The following GPC4 variants were observed in gnomAD, a reference collection of about 807,000 sequenced individuals.
The protein encoded by GPC4 is glypican 4.
A neutral mutation model predicts 35.0 loss-of-function variants in GPC4; 10 were observed. That is an observed-to-expected ratio of 0.29 (90% confidence interval 0.18 to 0.48). The LOEUF (loss-of-function observed/expected upper bound fraction) is 0.48. Among genes scored for constraint, GPC4 ranks in the 20% least tolerant of loss-of-function variants. The pLI, the probability that GPC4 is intolerant of heterozygous loss-of-function variation, is 0.99. For synonymous variants in GPC4, 167 were observed against 170.2 expected (o/e 0.98, Z 0.15); for missense variants, 322 against 451.3 (o/e 0.71, Z 2.60).
In GPC4 at chrX:133,304,738, T is replaced by C. The variant is rs1212592946; in HGVS notation, c.1279A>G (p.Lys427Glu). The change falls in exon 7 of 9, where the codon AAA (lysine) becomes GAA (glutamate). Residue 427 changes from lysine (K) to glutamate (E), a missense_variant. By Grantham distance (56) the Lys-to-Glu change is moderately conservative (BLOSUM62 1). This residue lies in a region of GPC4 where 99 missense variants were observed against 110.0 expected (regional missense o/e 0.90). Transcript: ENST00000370828. ...ACAGACACTAACCTGCTTTTGCCTT[T>C]CCCATTCCAACAGTCATCCTCATTG... ...NGNEDDCWNGKGKSRYLFAVT... is the reference protein window; with the variant it reads ...NGNEDDCWNGEGKSRYLFAVT... 1 of 1,211,727 alleles carries C rather than the reference T, an allele frequency of 8.3e-7. No individual in the cohort carries two copies. The highest frequency in any genetic ancestry group is 1.8e-5 in the South Asian group (1 of 56,956).
chrX:133,343,936 T>C (rs1376413760), intron 1 of GPC4, among the ~76,000 whole-genome samples: 1 of 110,129 alleles, frequency 9.1e-6, no homozygotes, highest in African/African-American at 3.3e-5. Context: ...TATTCCATCA[T>C]TTAACAGCGC....
intron 1 of GPC4, among the ~76,000 whole-genome samples, chrX:133,388,235 C>A (rs1207891684): frequency 1.8e-5 from 2 of 112,068 alleles, no homozygotes; most frequent in African/African-American, 6.5e-5. Context: ...CCGGTCTTAA[C>A]CTTCTGTGTT....
chrX:133,414,738 A>G lies in GPC4; in HGVS notation c.160+68T>C, dbSNP rs878872029. 45 of 1,139,872 alleles carry G rather than the reference A, an allele frequency of 3.9e-5. No homozygotes were observed. The Middle Eastern group carries it at 2.4e-3, about 60-fold the overall frequency. The allele number at this position is 1,139,872 out of a possible 1,213,427, so 93.9% of individuals were successfully genotyped here. On this transcript the variant is annotated intron_variant, in intron 1 of 8. Transcript: ENST00000370828. ...GGCGCAGGGGGCGGCGGGGCGGGGG[A>G]AGGGAGTTGCAGCCTCCCTTCCCGA...
At chrX:133,330,067 A>T (rs2068412184) in intron 2 of GPC4, among the ~76,000 whole-genome samples, 1 of 111,820 alleles carries the variant, frequency 8.9e-6, no homozygotes, top group Non-Finnish European at 1.9e-5. Context: ...TGATTAATGC[A>T]TTCTAGAATT....
chrX:133,368,600 C>T lies in GPC4; in HGVS notation c.161-29259G>A, dbSNP rs562751194. On this transcript the variant is annotated intron_variant, in intron 1 of 8. Transcript: ENST00000370828. Reference sequence around the variant, plus strand: ...TTTAAGAGCATGGTAATTTTACCATCTAAGAATATAAAGAAAAATTACTTC... The same window carrying T: ...TTTAAGAGCATGGTAATTTTACCATTTAAGAATATAAAGAAAAATTACTTC... 9.1e-4 allele frequency among the ~76,000 whole-genome samples: 101 copies of T among 111,178 alleles called. No individual in the cohort carries two copies. In the Middle Eastern group the frequency reaches 0.014, roughly 15 times the overall value.
intron 3 of GPC4, among the ~76,000 whole-genome samples, chrX:133,322,438 CA>C (rs756230456): frequency 0.019 from 1,077 of 57,361 alleles, 16 homozygotes; most frequent in African/African-American, 0.045. Flanking sequence ...AGCGAGATTC[CA>C]AAAAAAAAAA....
intron 2 of GPC4, among the ~76,000 whole-genome samples, chrX:133,336,614 G>A (rs2068445250): frequency 9.1e-6 from 1 of 110,497 alleles, no homozygotes; most frequent in Admixed American, 9.7e-5. Flanking sequence ...AGTCAACTAA[G>A]GTTTTACCAT....
At chrX:133,351,875 G>A (rs749420449) in intron 1 of GPC4, among the ~76,000 whole-genome samples, 36 of 111,991 alleles carry the variant, frequency 3.2e-4, no homozygotes, top group African/African-American at 1.1e-3. Context: ...CCTTTGACCC[G>A]ATTTGGCAAC....
intron 4 of GPC4, 126 bp downstream of exon 4, chrX:133,311,132 G>T (rs1030212618): frequency 3.1e-5 from 20 of 645,615 alleles, no homozygotes; most frequent in Non-Finnish European, 4.8e-5. Flanking sequence ...GCGTAGTCAG[G>T]ATTCTGACAA....
At chrX:133,308,351 G>C (rs1229204660) in intron 4 of GPC4, among the ~76,000 whole-genome samples, 1 of 112,112 alleles carries the variant, frequency 8.9e-6, no homozygotes, top group African/African-American at 3.2e-5. Context: ...GACATTAATA[G>C]GGTTGGCCCT....
chrX:133,394,227 G>A (rs1051442677), intron 1 of GPC4, among the ~76,000 whole-genome samples: 2 of 109,391 alleles, frequency 1.8e-5, no homozygotes, highest in Non-Finnish European at 3.8e-5. Flanking sequence ...CCGAGACTGC[G>A]CCACTTCACT....
intron 1 of GPC4, among the ~76,000 whole-genome samples, chrX:133,367,086 G>A (rs762301549): frequency 1.1e-3 from 123 of 111,969 alleles, no homozygotes; most frequent in African/African-American, 3.8e-3. Flanking sequence ...CTGCTCAGGT[G>A]GCTCCCACCC....
chrX:133,368,489 T>C (rs1158662915), intron 1 of GPC4, among the ~76,000 whole-genome samples: 1 of 111,700 alleles, frequency 9.0e-6, no homozygotes, highest in Non-Finnish European at 1.9e-5. Context: ...TAATAAAATT[T>C]ACCATTTTTC....
At chrX:133,352,251 GGA>G (rs2068519519) in intron 1 of GPC4, among the ~76,000 whole-genome samples, 1 of 111,844 alleles carries the variant, frequency 8.9e-6, no homozygotes, top group Non-Finnish European at 1.9e-5. Context: ...GGACAAAGTA[GGA>G]GAGAGTCACA....
chrX:133,413,571 C>T (rs912814591), intron 1 of GPC4, among the ~76,000 whole-genome samples: 4 of 110,055 alleles, frequency 3.6e-5, no homozygotes, highest in African/African-American at 1.3e-4. Context: ...CGGAGACCAG[C>T]ACGGCAAGGC....
chrX:133,304,286 C>T (rs1464116213), intron 7 of GPC4, among the ~76,000 whole-genome samples: 1 of 110,611 alleles, frequency 9.0e-6, no homozygotes, highest in Non-Finnish European at 1.9e-5. Context: ...GGCAAAAGAG[C>T]GAGACTCCAT....
chrX:133,352,271 A>G (rs2068519648), intron 1 of GPC4, among the ~76,000 whole-genome samples: 1 of 111,934 alleles, frequency 8.9e-6, no homozygotes, highest in African/African-American at 3.3e-5. Context: ...ACACACTCAG[A>G]TATAACCTAT....
intron 1 of GPC4, among the ~76,000 whole-genome samples, chrX:133,397,736 A>G (rs892231686): frequency 2.7e-5 from 3 of 111,431 alleles, no homozygotes; most frequent in Non-Finnish European, 5.6e-5. Flanking sequence ...AAACACTTAT[A>G]TTCTTAATCA....
chrX:133,300,262 C>A lies in GPC4; in HGVS notation c.*2605G>T, dbSNP rs763955252. The A allele has an allele frequency of 3.6e-5, 4 of 112,044 alleles. No homozygotes were observed. Among genetic ancestry groups the A allele is most frequent in the Non-Finnish European group, 7.5e-5 (4 of 53,207 alleles). 9.2% of individuals were successfully genotyped at this position (112,044 alleles called of 1,213,427 possible). On this transcript the variant is annotated 3_prime_UTR_variant, in exon 9 of 9. Transcript: ENST00000370828. ...TAATCAAAATAACAGGTGCTAGTTA[C>A]GATTTTTGAAATAAAATATAAATCT...
Sources: allele counts gnomAD v4.1 joint callset (sites outside exome capture counted in the v4.1 genomes callset), GRCh38; gene constraint gnomAD v4.1.1; regional missense constraint gnomAD v4.1.1; transcripts MANE v1.5; gene names NCBI Gene and HGNC (gene_info 2026-07-23, HGNC 2026-07-21).